Variants in GRM8 observed in about 807,000 individuals in gnomAD.
GRM8 encodes glutamate metabotropic receptor 8, also known as metabotropic glutamate receptor 8.
In GRM8, 47 loss-of-function variants were observed where a neutral mutation model predicts 87.2. The ratio of observed to expected loss-of-function variants is 0.54; its 90% CI spans 0.43 to 0.69. GRM8 has a LOEUF of 0.69. GRM8 is among the 30% of genes least tolerant of loss of function. The probability of loss-of-function intolerance (pLI) is 0.00; values close to 1 mark genes in which losing one functional copy is unlikely to be tolerated. For missense variants in GRM8, 1,019 were observed against 1,139.2 expected, an observed-to-expected ratio of 0.89 and a Z score of 1.52; for synonymous variants, 396 against 404.5, an observed-to-expected ratio of 0.98 and a Z score of 0.25.
chr7:126,483,258 A>G (rs1299481821), intron 9 of GRM8, among the ~76,000 whole-genome samples: 1 of 150,870 alleles, frequency 6.6e-6, no homozygotes, highest in African/African-American at 2.4e-5. Flanking sequence ...ATGCGTCCCT[A>G]ACCAAAATTG....
rs188653575 is a variant in GRM8 at position 126,967,068 on chromosome 7, T to C, written c.728-62385A>G. Among the ~76,000 whole-genome samples the C allele has an allele frequency of 3.5e-4, 53 of 152,326 alleles. No individual in the cohort carries two copies. The South Asian group carries it at 4.1e-3, about 12-fold the overall frequency. On this transcript the variant is annotated intron_variant, in intron 3 of 10. Transcript: ENST00000339582. ...TGTTAGATTTATTCATCCTGAGAGA[T>C]AGAATGCCTAGGCCATAACATAACC...
chr7:127,090,704 C>T (rs17863210), intron 3 of GRM8, among the ~76,000 whole-genome samples: 26,672 of 140,744 alleles, frequency 0.19, 2,519 homozygotes, highest in Middle Eastern at 0.27. Context: ...TCCCATGTGC[C>T]CTCCGGTTGC....
intron 3 of GRM8, among the ~76,000 whole-genome samples, chr7:127,050,153 G>A (rs935208274): frequency 3.3e-5 from 5 of 152,194 alleles, no homozygotes; most frequent in Admixed American, 3.3e-4. Flanking sequence ...CAAGAATGGA[G>A]CACATTTAGA....
intron 3 of GRM8, among the ~76,000 whole-genome samples, chr7:127,037,611 C>T (rs1382144759): frequency 6.6e-6 from 1 of 152,166 alleles, no homozygotes; most frequent in Non-Finnish European, 1.5e-5. Flanking sequence ...GCTGCAAACC[C>T]CAAAGTTTTG....
At chr7:126,959,350 A>C (rs1548766) in intron 3 of GRM8, among the ~76,000 whole-genome samples, 61,373 of 151,774 alleles carry the variant, frequency 0.4, 12,574 homozygotes, top group East Asian at 0.66. Context: ...AGAGAAGTAG[A>C]AGAGAGGGAT....
Position 127,252,721 on chromosome 7 carries a change from C to T in GRM8, c.-312+76G>A, listed in dbSNP as rs1432870390. 6.5e-6 allele frequency: 1 copy of T among 154,008 alleles called. No individual in the cohort carries two copies. Among genetic ancestry groups the T allele is most frequent in the Non-Finnish European group, 1.4e-5 (1 of 69,088 alleles). The allele number at this position is 154,008 out of a possible 1,614,324, so 9.5% of individuals were successfully genotyped here. ...AGGGCGTTTTGGGGAAGTTTGGGGG[C>T]CAGGGGCTTTTTGTCCCGTGGTTCG... On this transcript the variant is annotated intron_variant, in intron 1 of 10. Transcript: ENST00000339582. The surrounding 1 kb of genome is among the most constrained non-coding windows in gnomAD (Gnocchi z 4.9).
intron 6 of GRM8, among the ~76,000 whole-genome samples, chr7:126,895,352 C>T (rs937265176): frequency 3.3e-5 from 5 of 152,028 alleles, no homozygotes; most frequent in African/African-American, 1.2e-4. Context: ...GTTATCATTA[C>T]AAACTAACTC....
At chr7:127,014,343 T>A (rs1183567582) in intron 3 of GRM8, among the ~76,000 whole-genome samples, 6 of 152,262 alleles carry the variant, frequency 3.9e-5, no homozygotes, top group Middle Eastern at 3.4e-3. Flanking sequence ...TGCGAAAGTG[T>A]CTTCAAGGGG....
At chr7:126,660,956 G>A (rs942529221) in intron 7 of GRM8, among the ~76,000 whole-genome samples, 25 of 152,202 alleles carry the variant, frequency 1.6e-4, no homozygotes, top group African/African-American at 5.3e-4. Context: ...CAGGTTTTTC[G>A]ACTGAACTCA....
chr7:126,845,207 A>G (rs1002336969), intron 6 of GRM8, among the ~76,000 whole-genome samples: 1 of 152,228 alleles, frequency 6.6e-6, no homozygotes, highest in African/African-American at 2.4e-5. Context: ...GGGCTGCCTT[A>G]TATCTGGTGA....
intron 7 of GRM8, among the ~76,000 whole-genome samples, chr7:126,665,190 T>C (rs1400121250): frequency 6.6e-6 from 1 of 152,194 alleles, no homozygotes; most frequent in Non-Finnish European, 1.5e-5. Context: ...GAAAGCAGTC[T>C]GGAGATTTCT....
chr7:126,496,210 GAGGA>G lies in GRM8; in HGVS notation c.2430+36738_2430+36741del, dbSNP rs144503976. On this transcript the variant is annotated intron_variant, in intron 9 of 10. Coordinates refer to ENST00000339582, the MANE Select transcript of GRM8 (RefSeq NM_000845.3). Reference sequence around the variant, plus strand: ...AGAAAGGAAAGGACAGAGAGAAAGGGAGGAAGGAAGGAAGAAAGGGAGACAGTGT... The same window carrying G: ...AGAAAGGAAAGGACAGAGAGAAAGGGAGGAAGGAAGAAAGGGAGACAGTGT... Among the ~76,000 whole-genome samples, 449 of 152,006 alleles carry G rather than the reference GAGGA, an allele frequency of 3.0e-3. 1 individual carries two copies. Among genetic ancestry groups the G allele is most frequent in the African/African-American group, 0.011 (440 of 41,516 alleles).
chr7:126,587,531 C>T (rs1796261502), intron 8 of GRM8, among the ~76,000 whole-genome samples: 1 of 152,026 alleles, frequency 6.6e-6, no homozygotes, highest in Non-Finnish European at 1.5e-5. Flanking sequence ...TTTGTAGGGA[C>T]AGGGATGAAG....
At chr7:126,589,856 A>C (rs959819193) in intron 8 of GRM8, among the ~76,000 whole-genome samples, 2 of 152,148 alleles carry the variant, frequency 1.3e-5, no homozygotes, top group Non-Finnish European at 2.9e-5. Flanking sequence ...GGAGCACCCC[A>C]TGGGACAAAA....
At chr7:127,057,456 C>G (rs6962580) in intron 3 of GRM8, among the ~76,000 whole-genome samples, 12,130 of 151,822 alleles carry the variant, frequency 0.08, 527 homozygotes, top group South Asian at 0.13. Flanking sequence ...ATACAATATC[C>G]CTATAAAAAC....
intron 9 of GRM8, among the ~76,000 whole-genome samples, chr7:126,449,276 C>T (rs192911763): frequency 1.4e-3 from 214 of 151,928 alleles, no homozygotes; most frequent in South Asian, 7.5e-3. Context: ...AATCAATCTT[C>T]CCTGGTTATT....
intron 2 of GRM8, among the ~76,000 whole-genome samples, chr7:127,199,835 A>T (rs1795491387): frequency 6.6e-6 from 1 of 152,194 alleles, no homozygotes; most frequent in Non-Finnish European, 1.5e-5. Context: ...AGATGCTCTA[A>T]AGGGAAAAAC....
intron 3 of GRM8, among the ~76,000 whole-genome samples, chr7:127,010,458 G>A (rs1466007249): frequency 1.3e-5 from 2 of 152,064 alleles, no homozygotes; most frequent in African/African-American, 2.4e-5. Context: ...AGTAAAAATG[G>A]CTGGATGTCA....
chr7:127,064,751 C>A lies in GRM8; in HGVS notation c.727+41745G>T, dbSNP rs1380601866. ...CAAAAGAAGACATAAATGTGGCCAACAAGGATATGAAAAAAAGCTCAATAT... is the reference window on the plus strand; with the variant it reads ...CAAAAGAAGACATAAATGTGGCCAAAAAGGATATGAAAAAAAGCTCAATAT... On this transcript the variant is annotated intron_variant, in intron 3 of 10. Transcript: ENST00000339582. 5.3e-5 allele frequency among the ~76,000 whole-genome samples: 8 copies of A among 152,020 alleles called. No individual in the cohort carries two copies. In the East Asian group the frequency reaches 7.7e-4, roughly 15 times the overall value.
Sources: allele counts gnomAD v4.1 joint callset (sites outside exome capture counted in the v4.1 genomes callset), GRCh38; gene constraint gnomAD v4.1.1; non-coding constraint Gnocchi (gnomAD v3.1); transcripts MANE v1.5; gene names NCBI Gene and HGNC (gene_info 2026-07-23, HGNC 2026-07-21).